The following TMEM255A variants were observed in gnomAD, a reference collection of about 807,000 sequenced individuals.
TMEM255A encodes the protein family with sequence similarity 70, member A.
A neutral mutation model predicts 23.5 loss-of-function variants in TMEM255A; 14 were observed. That is an observed-to-expected ratio of 0.60 (90% confidence interval 0.39 to 0.93). The LOEUF is 0.93. TMEM255A is among the 40% of genes least tolerant of loss of function. The pLI, the probability that TMEM255A is intolerant of heterozygous loss-of-function variation, is 0.00. For synonymous variants in TMEM255A, 104 were observed against 100.3 expected (o/e 1.04, Z -0.22); for missense variants, 233 against 261.7 (o/e 0.89, Z 0.76).
intron 2 of TMEM255A, among the ~76,000 whole-genome samples, chrX:120,302,583 A>C (rs1179064377): frequency 8.4e-5 from 9 of 107,218 alleles, no homozygotes; most frequent in African/African-American, 2.4e-4. Flanking sequence ...CACCACAGGA[A>C]GTGCACTGGG....
intron 6 of TMEM255A, 134 bp from the exon 7 acceptor site, chrX:120,277,181 A>G (rs2057805140): frequency 2.1e-6 from 1 of 483,800 alleles, no homozygotes; most frequent in African/African-American, 2.4e-5. Context: ...AGCTACAGTA[A>G]GAGACATCAT....
intron 6 of TMEM255A, among the ~76,000 whole-genome samples, chrX:120,279,654 CTG>C (rs1244905262): frequency 8.9e-6 from 1 of 112,494 alleles, no homozygotes; most frequent in Non-Finnish European, 1.9e-5. Context: ...TGAAGTCAGA[CTG>C]TGTTCGAATC....
chrX:120,253,499 T>C, the TMEM255A span: 9 of 1,210,542 alleles, frequency 7.4e-6, no homozygotes, highest in Non-Finnish European at 8.9e-6. Context: ...AACGTGGCCA[T>C]GGACTCTTCT....
At chrX:120,280,627 C>T (rs1339498294) in intron 6 of TMEM255A, among the ~76,000 whole-genome samples, 1 of 110,967 alleles carries the variant, frequency 9.0e-6, no homozygotes, top group Non-Finnish European at 1.9e-5. Flanking sequence ...TCCTGCCAGA[C>T]CCCACTGCTG....
chrX:120,295,857 A>C lies in TMEM255A; in HGVS notation c.202-1806T>G, dbSNP rs1315804840. 6.2e-5 allele frequency among the ~76,000 whole-genome samples: 7 copies of C among 112,224 alleles called. No homozygotes were observed. The East Asian group carries it at 2.0e-3, about 31-fold the overall frequency. On this transcript the variant is annotated intron_variant, in intron 2 of 8. Transcript: ENST00000371369. ...CCTGGTACACAGTAAGTACTCAGTA[A>C]ATATTACTTTTTTCTAGTGATTATT...
chrX:120,255,077 C>G (rs1468235692), downstream of TMEM255A: 1 of 1,211,906 alleles, frequency 8.3e-7, no homozygotes, highest in Non-Finnish European at 1.1e-6. Context: ...AGTGTTTGGC[C>G]TGTGGCAAAT....
At chrX:120,275,774 G>A (rs2057792840) in intron 7 of TMEM255A, among the ~76,000 whole-genome samples, 1 of 94,802 alleles carries the variant, frequency 1.1e-5, no homozygotes, top group South Asian at 5.7e-4. Context: ...TTTAGAGAAG[G>A]AGCCCAAGCA....
intron 8 of TMEM255A, among the ~76,000 whole-genome samples, chrX:120,267,545 G>A (rs916359639): frequency 8.9e-6 from 1 of 112,364 alleles, no homozygotes; most frequent in Admixed American, 9.4e-5. Context: ...TGCCCAAAGT[G>A]TCTAGTTCAG....
downstream of TMEM255A, chrX:120,254,485 C>T (rs1556014981): frequency 8.3e-7 from 1 of 1,211,754 alleles, no homozygotes; most frequent in Admixed American, 2.2e-5. Flanking sequence ...TCTTTGGTCC[C>T]ACAGGCTGAT....
chrX:120,253,108 A>T, the TMEM255A span, among the ~76,000 whole-genome samples: 1 of 111,635 alleles, frequency 9.0e-6, no homozygotes, highest in East Asian at 2.8e-4. Context: ...AATTAATTCT[A>T]ATCTTTAAAA....
chrX:120,265,383 G>GA lies in TMEM255A; in HGVS notation c.819+2860dup, dbSNP rs1179250303. Among the ~76,000 whole-genome samples the GA allele has an allele frequency of 4.5e-5, 5 of 112,048 alleles. No individual in the cohort carries two copies. The East Asian group carries it at 1.4e-3, about 31-fold the overall frequency. Reference sequence around the variant, plus strand: ...ATACTAAAGACATCTTGAGCCTAGGGAAAGAAGTGGGAGACATATAAAAAG... The same window carrying GA: ...ATACTAAAGACATCTTGAGCCTAGGGAAAAGAAGTGGGAGACATATAAAAAG... On this transcript the variant is annotated intron_variant, in intron 8 of 8. Coordinates refer to ENST00000371369, the MANE Select transcript of TMEM255A (RefSeq NM_001104544.3).
intron 8 of TMEM255A, among the ~76,000 whole-genome samples, chrX:120,266,940 A>C (rs1397948979): frequency 4.5e-5 from 5 of 111,928 alleles, no homozygotes; most frequent in Non-Finnish European, 9.4e-5. Flanking sequence ...TTATCATTAT[A>C]TTTTCTAAGC....
chrX:120,291,809 T>C (rs149790547), intron 3 of TMEM255A, among the ~76,000 whole-genome samples: 1,556 of 108,505 alleles, frequency 0.014, 30 homozygotes, highest in African/African-American at 0.05. Flanking sequence ...TAATCCAGTG[T>C]TCTTTTTACC....
chrX:120,287,409 CA>C (rs1376496639), intron 4 of TMEM255A, among the ~76,000 whole-genome samples, 187 bp from the exon 5 acceptor site: 13 of 110,539 alleles, frequency 1.2e-4, no homozygotes, highest in Non-Finnish European at 2.1e-4. Flanking sequence ...GAAGATTAGA[CA>C]AAAATACTTT....
intron 8 of TMEM255A, 77 bp downstream of exon 8, chrX:120,268,167 T>C: frequency 9.5e-7 from 1 of 1,053,683 alleles, no homozygotes; most frequent in Non-Finnish European, 1.3e-6. Context: ...GGTTCCATAA[T>C]TGAATTTAGG....
At chrX:120,294,347 T>C (rs956220404) in intron 2 of TMEM255A, among the ~76,000 whole-genome samples, 5 of 101,943 alleles carry the variant, frequency 4.9e-5, no homozygotes, top group Admixed American at 1.1e-4. Flanking sequence ...GGCAGGAGAA[T>C]GGCGTGAACC....
At chrX:120,272,175 G>C (rs1167946933) in intron 7 of TMEM255A, among the ~76,000 whole-genome samples, 2 of 111,301 alleles carry the variant, frequency 1.8e-5, no homozygotes, top group Non-Finnish European at 3.8e-5. Context: ...CTGCTCTGTG[G>C]GGAGCCCTGT....
intron 6 of TMEM255A, among the ~76,000 whole-genome samples, chrX:120,279,577 C>T (rs868957655): frequency 6.2e-5 from 7 of 112,217 alleles, no homozygotes; most frequent in Admixed American, 1.9e-4. Context: ...TTATGTTTGC[C>T]TGCCTCCTAA....
intron 2 of TMEM255A, among the ~76,000 whole-genome samples, chrX:120,301,843 C>A (rs2058035384): frequency 9.0e-6 from 1 of 111,329 alleles, no homozygotes; most frequent in Admixed American, 9.5e-5. Flanking sequence ...TGAAAGTACC[C>A]CATTCCCAGA....
Sources: allele counts gnomAD v4.1 joint callset (sites outside exome capture counted in the v4.1 genomes callset), GRCh38; gene constraint gnomAD v4.1.1; transcripts MANE v1.5; gene names NCBI Gene and HGNC (gene_info 2026-07-23, HGNC 2026-07-21).